MCMBP: variants seen among roughly 807,000 people sequenced by gnomAD.
The protein encoded by MCMBP is mini-chromosome maintenance complex-binding protein.
MCMBP carries 31 observed loss-of-function variants against 81.3 expected under a neutral mutation model. The observed-to-expected ratio is 0.38, with a 90% CI of 0.29 to 0.51. The LOEUF is 0.51. Ranked by LOEUF, MCMBP falls within the 20% of genes least tolerant of loss-of-function variation. The pLI, the probability that MCMBP is intolerant of heterozygous loss-of-function variation, is 0.87. For synonymous variants in MCMBP, 267 were observed against 275.9 expected (o/e 0.97, Z 0.32); for missense variants, 645 against 772.1 (o/e 0.84, Z 1.95).
In MCMBP at chr10:119,842,452, C is replaced by T; in HGVS notation, c.1124+20G>A. ...ACACACACCAAACTCCCCTAATTCC[C>T]ACCAGGATACAGCACTTACACTGTG... On this transcript the variant is annotated intron_variant, in intron 10 of 15. Coordinates refer to ENST00000369077, the MANE Select transcript of MCMBP (RefSeq NM_001256378.2). 6.2e-7 allele frequency: 1 copy of T among 1,600,446 alleles called. No individual in the cohort carries two copies. Among genetic ancestry groups the T allele is most frequent in the Non-Finnish European group, 8.5e-7 (1 of 1,175,184 alleles).
chr10:119,867,689 G>C (rs964990016), intron 1 of MCMBP, among the ~76,000 whole-genome samples: 1 of 152,216 alleles, frequency 6.6e-6, no homozygotes, highest in Non-Finnish European at 1.5e-5. Flanking sequence ...AAAGTGTGCA[G>C]AGATTAATGT....
At chr10:119,833,399 T>C (rs769497860) in intron 14 of MCMBP, among the ~76,000 whole-genome samples, 1 of 151,568 alleles carries the variant, frequency 6.6e-6, no homozygotes, top group African/African-American at 2.4e-5. Flanking sequence ...TCCCAACACA[T>C]TGGGAGGCCA....
At chr10:119,831,715 C>A in intron 15 of MCMBP, 115 bp from the exon 16 acceptor site, 1 of 1,211,706 alleles carries the variant, frequency 8.3e-7, no homozygotes. Flanking sequence ...GAGACAAGAC[C>A]GTATGGTAGT....
chr10:119,843,543 A>C (rs1337465481), intron 8 of MCMBP, 117 bp from the exon 9 acceptor site: 2 of 953,738 alleles, frequency 2.1e-6, no homozygotes, highest in Admixed American at 5.2e-5. Flanking sequence ...CCACCTGTAC[A>C]TCTCCTTAAA....
At chr10:119,863,842 A>T (rs1853352891) in intron 1 of MCMBP, among the ~76,000 whole-genome samples, 1 of 150,172 alleles carries the variant, frequency 6.7e-6, no homozygotes, top group Admixed American at 6.6e-5. Flanking sequence ...GTGAAATATT[A>T]TTCTACTTGG....
chr10:119,848,604 C>A (rs765935164), intron 7 of MCMBP, among the ~76,000 whole-genome samples: 4 of 151,990 alleles, frequency 2.6e-5, no homozygotes, highest in Non-Finnish European at 5.9e-5. Context: ...GAGAGTGAGA[C>A]TGCCTCAAAA....
chr10:119,838,287 A>T (rs1185312641), intron 12 of MCMBP, among the ~76,000 whole-genome samples: 1 of 144,634 alleles, frequency 6.9e-6, no homozygotes, highest in Non-Finnish European at 1.5e-5. Context: ...TATGATATAT[A>T]TTATATAAGA....
chr10:119,838,302 TTATATAAGA>T (rs1380484288), intron 12 of MCMBP, among the ~76,000 whole-genome samples: 3 of 148,410 alleles, frequency 2.0e-5, no homozygotes, highest in African/African-American at 7.4e-5. Flanking sequence ...ATAAGATATA[TTATATAAGA>T]TATATATCTG....
At chr10:119,859,710 T>A in intron 2 of MCMBP, 89 bp downstream of exon 2, 12 of 790,588 alleles carry the variant, frequency 1.5e-5, no homozygotes, top group South Asian at 2.2e-5. Context: ...TACATATTTT[T>A]AAATTACATG....
intron 12 of MCMBP, among the ~76,000 whole-genome samples, chr10:119,837,613 A>C (rs569349703): frequency 6.6e-6 from 1 of 152,134 alleles, no homozygotes; most frequent in Non-Finnish European, 1.5e-5. Context: ...TACAAACTTT[A>C]CAACGGGAGG....
chr10:119,832,860 C>G (rs1354124822), intron 14 of MCMBP, among the ~76,000 whole-genome samples: 1 of 152,160 alleles, frequency 6.6e-6, no homozygotes, highest in Non-Finnish European at 1.5e-5. Context: ...CAGACTAACC[C>G]AAACCCTTCA....
At position 119,829,902 on chromosome 10, in the gene MCMBP, CA is replaced by C. The variant is rs1226602000; in HGVS notation, c.*1571del. 1 of 152,344 alleles carries C rather than the reference CA, an allele frequency of 6.6e-6. No individual in the cohort carries two copies. The highest frequency in any genetic ancestry group is 2.4e-5 in the African/African-American group (1 of 41,410). The allele number at this position is 152,344 out of a possible 1,614,324, so 9.4% of individuals were successfully genotyped here. On this transcript the variant is annotated 3_prime_UTR_variant, in exon 16 of 16. Coordinates refer to ENST00000369077, the MANE Select transcript of MCMBP (RefSeq NM_001256378.2). Reference sequence around the variant, plus strand: ...TGGTAAATTACAATTTACATTGGCACAAAAAACACATGGTGACTAATGTACT... The same window carrying C: ...TGGTAAATTACAATTTACATTGGCACAAAAACACATGGTGACTAATGTACT...
Position 119,847,644 on chromosome 10 carries a change from G to C in MCMBP, c.796C>G (p.Pro266Ala). Reference protein sequence around the residue: ...LELYGILSVDPVLSILNNDER... With the variant: ...LELYGILSVDAVLSILNNDER... ...TCATTATTCAGTATACTCAGCACAGGATCCACAGACAGTATGCCATATAGC... is the reference window on the plus strand; with the variant it reads ...TCATTATTCAGTATACTCAGCACAGCATCCACAGACAGTATGCCATATAGC... The change falls in exon 8 of 16, where the codon CCT (proline) becomes GCT (alanine). Residue 266 changes from proline (P) to alanine (A), a missense_variant. By Grantham distance (27) the Pro-to-Ala change is conservative. Coordinates refer to ENST00000369077, the MANE Select transcript of MCMBP (RefSeq NM_001256378.2). 1.2e-6 allele frequency: 2 copies of C among 1,610,690 alleles called. No homozygotes were observed. Among genetic ancestry groups the C allele is most frequent in the Non-Finnish European group, 1.7e-6 (2 of 1,177,938 alleles).
At chr10:119,855,520 CA>C (rs1468680824) in intron 5 of MCMBP, among the ~76,000 whole-genome samples, 1 of 151,718 alleles carries the variant, frequency 6.6e-6, no homozygotes, top group African/African-American at 2.4e-5. Context: ...AAATACAAAA[CA>C]ATTAGCCGGG....
At chr10:119,867,560 T>C (rs1040554169) in intron 1 of MCMBP, among the ~76,000 whole-genome samples, 20 of 152,084 alleles carry the variant, frequency 1.3e-4, no homozygotes, top group African/African-American at 4.1e-4. Context: ...CCTGAGTGAA[T>C]GGATTCCTGA....
intron 1 of MCMBP, among the ~76,000 whole-genome samples, chr10:119,862,068 A>C (rs964449098): frequency 6.6e-6 from 1 of 152,194 alleles, no homozygotes; most frequent in African/African-American, 2.4e-5. Context: ...GCACTTTGGG[A>C]GGCCAAGGCA....
intron 5 of MCMBP, among the ~76,000 whole-genome samples, chr10:119,855,542 G>T (rs1219875709): frequency 6.6e-6 from 1 of 152,044 alleles, no homozygotes; most frequent in Non-Finnish European, 1.5e-5. Context: ...CATGGTGGCA[G>T]GCACCTGCAA....
intron 6 of MCMBP, 43 bp downstream of exon 6, chr10:119,853,007 G>C (rs377187563): frequency 1.2e-5 from 20 of 1,608,632 alleles, no homozygotes; most frequent in Non-Finnish European, 1.6e-5. Flanking sequence ...CCAATCTACT[G>C]TAAGAGAGCA....
At chr10:119,870,989 G>C (rs568949539) in intron 1 of MCMBP, among the ~76,000 whole-genome samples, 1 of 152,128 alleles carries the variant, frequency 6.6e-6, no homozygotes, top group Non-Finnish European at 1.5e-5. Context: ...ACATTTAGAA[G>C]ACAAAATTTG....
Sources: allele counts gnomAD v4.1 joint callset (sites outside exome capture counted in the v4.1 genomes callset), GRCh38; gene constraint gnomAD v4.1.1; transcripts MANE v1.5; gene names NCBI Gene and HGNC (gene_info 2026-07-23, HGNC 2026-07-21).